The following ANKHD1 variants were observed in gnomAD, a reference collection of about 807,000 sequenced individuals.
ANKHD1 encodes ankyrin repeat and KH domain-containing protein 1.
Under a neutral mutation model 230.5 loss-of-function variants are expected in ANKHD1, and 31 were observed. The ratio of observed to expected loss-of-function variants is 0.13; its 90% confidence interval spans 0.10 to 0.18. The LOEUF (loss-of-function observed/expected upper bound fraction) is 0.18. ANKHD1 is among the 10% of genes least tolerant of loss of function. The pLI is 1.00. For synonymous variants in ANKHD1, 1,074 were observed against 1,117.6 expected (o/e 0.96, Z 0.78); for missense variants, 2,256 against 3,071.3 (o/e 0.73, Z 6.27).
chr5:140,518,663 T>A (rs945392877), intron 24 of ANKHD1, among the ~76,000 whole-genome samples: 8 of 152,156 alleles, frequency 5.3e-5, no homozygotes, highest in Non-Finnish European at 1.2e-4. Flanking sequence ...TAATCCAGCA[T>A]ATAAACAGAA....
At chr5:140,404,677 G>A (rs931306202) in intron 1 of ANKHD1, among the ~76,000 whole-genome samples, 1 of 151,032 alleles carries the variant, frequency 6.6e-6, no homozygotes, top group Admixed American at 6.6e-5. Flanking sequence ...TCAGGTGATC[G>A]CCCTCTCAGA....
intron 1 of ANKHD1, among the ~76,000 whole-genome samples, chr5:140,413,952 T>A (rs1291951880): frequency 1.3e-5 from 2 of 152,062 alleles, no homozygotes; most frequent in African/African-American, 4.8e-5. Context: ...GGCTAATTTT[T>A]GTATTTTTAG....
At chr5:140,500,636 G>A (rs1399503978) in intron 15 of ANKHD1, among the ~76,000 whole-genome samples, 1 of 115,886 alleles carries the variant, frequency 8.6e-6, no homozygotes. Context: ...GCAACAGAGC[G>A]AGACTCTGTC....
chr5:140,517,140 C>G (rs1753060035), intron 24 of ANKHD1, among the ~76,000 whole-genome samples: 1 of 147,780 alleles, frequency 6.8e-6, no homozygotes, highest in Non-Finnish European at 1.5e-5. Context: ...GGTTGCAATC[C>G]TAGCCTCTGA....
chr5:140,511,789 T>C (rs902245163), intron 22 of ANKHD1, among the ~76,000 whole-genome samples: 13 of 152,256 alleles, frequency 8.5e-5, no homozygotes, highest in African/African-American at 3.1e-4. Flanking sequence ...AAATTATTTC[T>C]GTAACCCTAG....
intron 14 of ANKHD1, among the ~76,000 whole-genome samples, chr5:140,495,663 A>G (rs1581337133): frequency 6.6e-6 from 1 of 152,116 alleles, no homozygotes; most frequent in Non-Finnish European, 1.5e-5. Context: ...ATTGATAATT[A>G]TTTTTCAGCT....
At chr5:140,423,230 T>C (rs1772140045) in intron 1 of ANKHD1, among the ~76,000 whole-genome samples, 1 of 152,160 alleles carries the variant, frequency 6.6e-6, no homozygotes, top group African/African-American at 2.4e-5. Flanking sequence ...CATTCTAAAC[T>C]CTTTTTAGAT....
At chr5:140,439,061 A>G (rs1273207446) in intron 3 of ANKHD1, among the ~76,000 whole-genome samples, 1 of 152,172 alleles carries the variant, frequency 6.6e-6, no homozygotes, top group Non-Finnish European at 1.5e-5. Flanking sequence ...TGAGAAATGC[A>G]GAATCCCGGG....
intron 1 of ANKHD1, among the ~76,000 whole-genome samples, chr5:140,409,285 A>G (rs2126843117): frequency 6.6e-6 from 1 of 152,346 alleles, no homozygotes; most frequent in East Asian, 1.9e-4. Flanking sequence ...GCACTGCTGT[A>G]AATTTTCTAT....
At chr5:140,438,439 G>A (rs868256800) in intron 2 of ANKHD1, 22 bp from the exon 3 acceptor site, 1 of 1,566,288 alleles carries the variant, frequency 6.4e-7, no homozygotes. Flanking sequence ...TGCACTACCT[G>A]ATTGATTGAT....
At chr5:140,430,509 A>G (rs1183397967) in intron 1 of ANKHD1, among the ~76,000 whole-genome samples, 1 of 152,174 alleles carries the variant, frequency 6.6e-6, no homozygotes, top group African/African-American at 2.4e-5. Context: ...ATTTCATTAG[A>G]CATACTATTA....
chr5:140,430,346 A>G (rs999371062), intron 1 of ANKHD1, among the ~76,000 whole-genome samples: 2 of 152,196 alleles, frequency 1.3e-5, no homozygotes, highest in African/African-American at 2.4e-5. Flanking sequence ...TAATACTGCT[A>G]TAAGTGGATG....
intron 24 of ANKHD1, among the ~76,000 whole-genome samples, chr5:140,513,844 G>T (rs1347351989): frequency 6.6e-6 from 1 of 151,694 alleles, no homozygotes; most frequent in East Asian, 1.9e-4. Flanking sequence ...ATTGAGGGTG[G>T]GCGTGGTGGC....
At chr5:140,437,945 G>T (rs1305266868) in intron 2 of ANKHD1, among the ~76,000 whole-genome samples, 1 of 152,068 alleles carries the variant, frequency 6.6e-6, no homozygotes, top group Non-Finnish European at 1.5e-5. Context: ...AATTCATTGG[G>T]TATTGTGTAT....
rs1439108659 is a variant in ANKHD1 at position 140,529,237 on chromosome 5, A to G, written c.6291A>G (p.Ala2097=). 3.7e-6 allele frequency: 6 copies of G among 1,614,220 alleles called. No individual in the cohort carries two copies. The highest frequency in any genetic ancestry group is 1.7e-5 in the Admixed American group (1 of 60,028). The part of the protein sequence containing the change: ...SDLSPMSMPF[A]SNSEPAPLTL... ...TAAGTCCTATGTCAATGCCTTTTGC[A>G]TCTAACTCAGAACCTGCTCCATTGA... The change falls in exon 29 of 34, where the codon GCA becomes GCG. Residue 2097 remains alanine (A), a synonymous_variant. Coordinates refer to ENST00000360839, the MANE Select transcript of ANKHD1 (RefSeq NM_017747.3).
intron 29 of ANKHD1, among the ~76,000 whole-genome samples, chr5:140,534,253 G>A (rs1456394168): frequency 5.9e-5 from 9 of 152,114 alleles, no homozygotes; most frequent in South Asian, 2.1e-4. Flanking sequence ...TTAGCCGGGC[G>A]TGATGGCAGA....
intron 2 of ANKHD1, among the ~76,000 whole-genome samples, chr5:140,437,575 G>C (rs1277660149): frequency 6.6e-6 from 1 of 152,066 alleles, no homozygotes; most frequent in African/African-American, 2.4e-5. Context: ...GCGTGGCGGC[G>C]CACCCCTGTA....
chr5:140,417,390 GTATT>G (rs1009648878), intron 1 of ANKHD1, among the ~76,000 whole-genome samples: 6 of 150,584 alleles, frequency 4.0e-5, no homozygotes, highest in African/African-American at 1.2e-4. Flanking sequence ...TATTATTTAT[GTATT>G]TATTTATTTA....
chr5:140,523,256 G>C (rs747901902), intron 24 of ANKHD1, among the ~76,000 whole-genome samples: 2 of 151,334 alleles, frequency 1.3e-5, no homozygotes, highest in Non-Finnish European at 2.9e-5. Flanking sequence ...ACAGGCATAG[G>C]TCACCATGCC....
Sources: allele counts gnomAD v4.1 joint callset (sites outside exome capture counted in the v4.1 genomes callset), GRCh38; gene constraint gnomAD v4.1.1; transcripts MANE v1.5; gene names NCBI Gene and HGNC (gene_info 2026-07-23, HGNC 2026-07-21).